ROBO2: variants seen among roughly 807,000 people sequenced by gnomAD.
ROBO2 encodes roundabout guidance receptor 2, also known as roundabout homolog 2.
In ROBO2, 53 loss-of-function variants were observed where a neutral mutation model predicts 160.8. That is an observed-to-expected ratio of 0.33 (90% CI 0.26 to 0.41). The LOEUF is 0.41. Ranked by LOEUF, ROBO2 falls within the 10% of genes least tolerant of loss-of-function variation. The probability of loss-of-function intolerance (pLI) is 1.00; values close to 1 mark genes in which losing one functional copy is unlikely to be tolerated. For synonymous variants in ROBO2, 664 were observed against 611.7 expected, an observed-to-expected ratio of 1.09 and a Z score of -1.26; for missense variants, 1,577 against 1,722.4, an observed-to-expected ratio of 0.92 and a Z score of 1.49.
intron 2 of ROBO2, among the ~76,000 whole-genome samples, chr3:76,505,360 T>A (rs1042482377): frequency 4.5e-5 from 5 of 111,706 alleles, no homozygotes; most frequent in Non-Finnish European, 9.4e-5. Flanking sequence ...CTAAAGATAG[T>A]TCAGCATTTA....
chr3:76,540,655 A>G (rs1247668973), intron 2 of ROBO2, among the ~76,000 whole-genome samples: 4 of 152,220 alleles, frequency 2.6e-5, no homozygotes, highest in African/African-American at 9.6e-5. Flanking sequence ...CCATGCAGTG[A>G]ACACTATTCT....
intron 2 of ROBO2, among the ~76,000 whole-genome samples, chr3:77,289,283 A>C (rs1030382567): frequency 5.9e-5 from 9 of 152,212 alleles, no homozygotes; most frequent in Non-Finnish European, 4.4e-5. Flanking sequence ...AAAGACATAA[A>C]GTAAAATTGA....
chr3:76,733,958 C>T (rs542125500), intron 2 of ROBO2, among the ~76,000 whole-genome samples: 1 of 152,100 alleles, frequency 6.6e-6, no homozygotes, highest in Non-Finnish European at 1.5e-5. Flanking sequence ...GTGAAGGAAA[C>T]CAGAAAGAGC....
chr3:76,579,215 T>C (rs963874917), intron 2 of ROBO2, among the ~76,000 whole-genome samples: 6 of 152,158 alleles, frequency 3.9e-5, no homozygotes, highest in South Asian at 2.1e-4. Context: ...AATCCTTTCA[T>C]TGGCTTCTTG....
intron 2 of ROBO2, among the ~76,000 whole-genome samples, chr3:76,215,115 G>C (rs1373881289): frequency 6.6e-6 from 1 of 152,118 alleles, no homozygotes; most frequent in Admixed American, 6.5e-5. Flanking sequence ...ACTGTTAGAA[G>C]GAAAACTAAC....
intron 2 of ROBO2, among the ~76,000 whole-genome samples, chr3:76,789,958 C>T (rs1381112848): frequency 6.6e-6 from 1 of 151,504 alleles, no homozygotes; most frequent in Non-Finnish European, 1.5e-5. Flanking sequence ...TTAATTTGGC[C>T]ACATATAAAC....
chr3:77,207,641 A>T (rs772435915), intron 2 of ROBO2, among the ~76,000 whole-genome samples: 24 of 152,224 alleles, frequency 1.6e-4, no homozygotes, highest in Non-Finnish European at 3.1e-4. Context: ...AAAATCCAAA[A>T]GTATTTTCAC....
At chr3:77,233,614 C>G (rs895381955) in intron 2 of ROBO2, among the ~76,000 whole-genome samples, 1 of 152,094 alleles carries the variant, frequency 6.6e-6, no homozygotes, top group African/African-American at 2.4e-5. Flanking sequence ...TAGTATAATA[C>G]TTTTATATCA....
intron 2 of ROBO2, among the ~76,000 whole-genome samples, chr3:77,213,575 C>T (rs534660294): frequency 3.9e-4 from 59 of 151,992 alleles, no homozygotes; most frequent in African/African-American, 1.4e-3. Flanking sequence ...TGTCTCTATT[C>T]CCTTCAGTTC....
chr3:76,306,562 A>T (rs527797312), intron 2 of ROBO2, among the ~76,000 whole-genome samples: 1 of 152,294 alleles, frequency 6.6e-6, no homozygotes, highest in East Asian at 1.9e-4. Context: ...GTCAAAGTTG[A>T]AGCAAATGCT....
intron 2 of ROBO2, among the ~76,000 whole-genome samples, chr3:76,211,456 T>C (rs548746492): frequency 6.6e-6 from 1 of 152,204 alleles, no homozygotes; most frequent in South Asian, 2.1e-4. Context: ...CCTACTATTT[T>C]AGGATTAAAA....
At chr3:76,597,960 C>A (rs942161546) in intron 2 of ROBO2, among the ~76,000 whole-genome samples, 60 of 152,042 alleles carry the variant, frequency 3.9e-4, no homozygotes, top group African/African-American at 1.4e-3. Flanking sequence ...GATATTTTTA[C>A]AACTTGCACA....
intron 2 of ROBO2, among the ~76,000 whole-genome samples, chr3:76,169,934 C>G (rs2072979795): frequency 6.6e-6 from 1 of 152,092 alleles, no homozygotes. Context: ...GCGCCCGCCA[C>G]CATGCGTGGC....
chr3:76,234,674 A>G (rs1704830756), intron 2 of ROBO2, among the ~76,000 whole-genome samples: 1 of 152,168 alleles, frequency 6.6e-6, no homozygotes, highest in Admixed American at 6.5e-5. Flanking sequence ...CTGTTTTTAA[A>G]CAAAAAAATA....
intron 2 of ROBO2, among the ~76,000 whole-genome samples, chr3:76,064,160 G>A (rs984042940): frequency 6.6e-6 from 1 of 152,122 alleles, no homozygotes. Context: ...TTTTAGCCTC[G>A]TGAGACCCAG....
chr3:75,984,914 A>G (rs1224123212), intron 2 of ROBO2, among the ~76,000 whole-genome samples: 1 of 151,466 alleles, frequency 6.6e-6, no homozygotes, highest in Non-Finnish European at 1.5e-5. Context: ...AGCATGATAT[A>G]CACTTGGAAC....
chr3:76,720,321 G>A (rs924348167), intron 2 of ROBO2, among the ~76,000 whole-genome samples: 1 of 152,158 alleles, frequency 6.6e-6, no homozygotes, highest in Admixed American at 6.5e-5. Flanking sequence ...AAGCCATCCA[G>A]TCTGTGATAT....
In ROBO2 at chr3:76,348,020, T is replaced by C. The variant is rs190388702; in HGVS notation, c.109+410418T>C. On this transcript the variant is annotated intron_variant, in intron 2 of 26. Transcript: ENST00000487694. ...TGCTGAAAACTGCTACCTTTGAGGC[T>C]TCAAACACTTGCATCGTCTGCCCAA... Among the ~76,000 whole-genome samples the C allele has an allele frequency of 5.3e-4, 81 of 152,300 alleles. 1 individual carries two copies. Among genetic ancestry groups the C allele is most frequent in the Non-Finnish European group, 7.2e-4 (49 of 68,016 alleles).
At chr3:77,213,173 C>T (rs1160184153) in intron 2 of ROBO2, among the ~76,000 whole-genome samples, 1 of 152,092 alleles carries the variant, frequency 6.6e-6, no homozygotes, top group East Asian at 1.9e-4. Context: ...CCTTGTACCT[C>T]TGGTAGAATT....
Sources: allele counts gnomAD v4.1 joint callset (sites outside exome capture counted in the v4.1 genomes callset), GRCh38; gene constraint gnomAD v4.1.1; transcripts MANE v1.5; gene names NCBI Gene and HGNC (gene_info 2026-07-23, HGNC 2026-07-21).